The following PRDM16 variants were observed in gnomAD, a reference collection of about 807,000 sequenced individuals.
The protein encoded by PRDM16 is PR/SET domain 16, also known as histone-lysine N-methyltransferase PRDM16.
A neutral mutation model predicts 110.6 loss-of-function variants in PRDM16; 23 were observed. The observed-to-expected ratio is 0.21, with a 90% CI of 0.15 to 0.29. PRDM16 has a LOEUF of 0.29. Among genes scored for constraint, PRDM16 ranks in the 10% least tolerant of loss-of-function variants. The probability of loss-of-function intolerance (pLI) is 1.00; values close to 1 mark genes in which losing one functional copy is unlikely to be tolerated. For missense variants in PRDM16, 1,615 were observed against 1,794.3 expected (o/e 0.90, Z 1.81); for synonymous variants, 799 against 781.8 (o/e 1.02, Z -0.37).
intron 3 of PRDM16, among the ~76,000 whole-genome samples, chr1:3,384,584 G>A (rs922738869): frequency 6.6e-6 from 1 of 152,234 alleles, no homozygotes; most frequent in African/African-American, 2.4e-5. Flanking sequence ...GACTTTGCGG[G>A]CGTGGTGAGA....
Position 3,228,028 on chromosome 1 carries a change from C to T in PRDM16, c.388-16059C>T, listed in dbSNP as rs76420309. On this transcript the variant is annotated intron_variant, in intron 2 of 16. Coordinates refer to ENST00000270722, the MANE Select transcript of PRDM16 (RefSeq NM_022114.4). ...AGTCACATCCAAGTAAATGTTGTTC[C>T]GCTCCGGGAAAGCGAGATCTTTAAG... 4.6e-5 allele frequency among the ~76,000 whole-genome samples: 7 copies of T among 152,326 alleles called. No individual in the cohort carries two copies. The East Asian group carries it at 5.8e-4, about 13-fold the overall frequency.
chr1:3,341,893 G>A lies in PRDM16; in HGVS notation c.439-43259G>A, dbSNP rs1015736737. Reference sequence around the variant, plus strand: ...CAGGTGAGTCCGGGCTGTCTTCTTCGGGTAGGTTAGGTGTATTAAATTCAT... The same window carrying A: ...CAGGTGAGTCCGGGCTGTCTTCTTCAGGTAGGTTAGGTGTATTAAATTCAT... On this transcript the variant is annotated intron_variant, in intron 3 of 16. Transcript: ENST00000270722. Among the ~76,000 whole-genome samples, 10 of 152,326 alleles carry A rather than the reference G, an allele frequency of 6.6e-5. No homozygotes were observed. In the East Asian group the frequency reaches 1.9e-3, roughly 29 times the overall value.
intron 1 of PRDM16, among the ~76,000 whole-genome samples, chr1:3,100,896 C>T (rs886088206): frequency 6.0e-5 from 9 of 149,784 alleles, no homozygotes; most frequent in African/African-American, 1.7e-4. Context: ...CCGAAGCCCC[C>T]GGGGAGGAGC....
intron 12 of PRDM16, among the ~76,000 whole-genome samples, chr1:3,424,291 A>C (rs4648500): frequency 0.51 from 77,883 of 152,176 alleles, 22,955 homozygotes; most frequent in South Asian, 0.65. Context: ...CTCTCTAAAA[A>C]TGGGAGAGAA....
intron 3 of PRDM16, among the ~76,000 whole-genome samples, chr1:3,282,708 G>T (rs1183795267): frequency 6.6e-6 from 1 of 152,172 alleles, no homozygotes. Flanking sequence ...CACCAGAGCT[G>T]GTCACTGCCA....
rs1641696145 is a variant in PRDM16 at position 3,069,602 on chromosome 1, CG to C, written c.37+310del. 6.8e-6 allele frequency among the ~76,000 whole-genome samples: 1 copy of C among 147,638 alleles called. No individual in the cohort carries two copies. The highest frequency in any genetic ancestry group is 1.5e-5 in the Non-Finnish European group (1 of 66,396). On this transcript the variant is annotated intron_variant, in intron 1 of 16. Transcript: ENST00000270722. This position sits in a 1 kb window ranked among gnomAD's most constrained non-coding sequence, Gnocchi z 6.1. ...GGAACCCGAGGCGCGCGGTGGGGGC[CG>C]GGGAGGGGGGCGGAGGGGGAGGGCC...
At chr1:3,179,091 C>T (rs1219120552) in intron 1 of PRDM16, among the ~76,000 whole-genome samples, 1 of 152,262 alleles carries the variant, frequency 6.6e-6, no homozygotes, top group African/African-American at 2.4e-5. Context: ...GGAACTCAGA[C>T]AAACCCCATC....
At chr1:3,307,705 A>T (rs1021729374) in intron 3 of PRDM16, 1 of 152,078 alleles carries the variant, frequency 6.6e-6, no homozygotes, top group African/African-American at 2.4e-5. Context: ...GGGCTCCATG[A>T]GCTTACCCCT....
intron 1 of PRDM16, among the ~76,000 whole-genome samples, chr1:3,156,275 TG>T (rs1199959639): frequency 6.6e-6 from 1 of 152,206 alleles, no homozygotes; most frequent in Non-Finnish European, 1.5e-5. Flanking sequence ...ACGCGTTTGA[TG>T]GTGGCCACTT....
intron 3 of PRDM16, among the ~76,000 whole-genome samples, chr1:3,293,410 A>G (rs1641020338): frequency 6.6e-6 from 1 of 152,146 alleles, no homozygotes; most frequent in Non-Finnish European, 1.5e-5. Flanking sequence ...TATGTGGGTA[A>G]AGGTTGTATT....
chr1:3,092,314 T>A (rs1642297040), intron 1 of PRDM16, among the ~76,000 whole-genome samples: 1 of 37,792 alleles, frequency 2.6e-5, no homozygotes. Context: ...CAGAGGCTAC[T>A]GTGTGCTCCT....
At chr1:3,356,423 C>A (rs780798950) in intron 3 of PRDM16, among the ~76,000 whole-genome samples, 2 of 152,222 alleles carry the variant, frequency 1.3e-5, no homozygotes, top group Non-Finnish European at 2.9e-5. Flanking sequence ...CCAATCTGCC[C>A]TCCGGGGAGA....
chr1:3,135,656 C>T (rs1643422870), intron 1 of PRDM16, among the ~76,000 whole-genome samples: 1 of 152,236 alleles, frequency 6.6e-6, no homozygotes, highest in Non-Finnish European at 1.5e-5. Flanking sequence ...ATTAAGGGGT[C>T]TCCTCACCCA....
At chr1:3,178,668 T>C (rs1166454363) in intron 1 of PRDM16, among the ~76,000 whole-genome samples, 1 of 152,188 alleles carries the variant, frequency 6.6e-6, no homozygotes, top group African/African-American at 2.4e-5. Context: ...GGATGCACCC[T>C]TGTCACTCAG....
rs760607829 is a variant in PRDM16, at chr1:3,069,331, G to C, written c.37+35G>C. ...CCGCGCTCGGCCGCGCCGCGCCGCC[G>C]GGGCCCGGGCCGCCGGGCCGGGGCG... On this transcript the variant is annotated intron_variant, in intron 1 of 16. Coordinates refer to ENST00000270722, the MANE Select transcript of PRDM16 (RefSeq NM_022114.4). This position sits in a 1 kb window ranked among gnomAD's most constrained non-coding sequence, Gnocchi z 6.1. The C allele has an allele frequency of 6.0e-6, 7 of 1,157,964 alleles. No individual in the cohort carries two copies. The highest frequency in any genetic ancestry group is 4.4e-5 in the South Asian group (2 of 45,500). 71.7% of individuals were successfully genotyped at this position (1,157,964 alleles called of 1,614,324 possible).
intron 3 of PRDM16, among the ~76,000 whole-genome samples, chr1:3,267,755 T>G (rs1346172991): frequency 6.6e-6 from 1 of 152,072 alleles, no homozygotes; most frequent in Non-Finnish European, 1.5e-5. Context: ...AGCCTCTCCC[T>G]CAGTGAGCCG....
intron 2 of PRDM16, among the ~76,000 whole-genome samples, chr1:3,199,515 G>A (rs1424136754): frequency 6.6e-6 from 1 of 152,166 alleles, no homozygotes; most frequent in East Asian, 1.9e-4. Context: ...TCTCTAGGCA[G>A]AAAGAAGGGA....
At chr1:3,387,637 A>G (rs553065001) in intron 4 of PRDM16, among the ~76,000 whole-genome samples, 1 of 152,232 alleles carries the variant, frequency 6.6e-6, no homozygotes, top group Non-Finnish European at 1.5e-5. Flanking sequence ...TGGATAAGCC[A>G]TGTGGCTGGA....
intron 1 of PRDM16, among the ~76,000 whole-genome samples, chr1:3,170,689 G>A (rs1171704752): frequency 2.0e-5 from 3 of 152,174 alleles, no homozygotes; most frequent in Admixed American, 1.3e-4. Context: ...CAGAGGAGGC[G>A]GGGCCCGGGG....
Sources: gnomAD v4.1 joint callset for allele counts (sites outside exome capture counted in the v4.1 genomes callset) on GRCh38, gnomAD v4.1.1 for gene constraint, Gnocchi (gnomAD v3.1) non-coding constraint, MANE v1.5 for transcripts, NCBI Gene and HGNC (gene_info 2026-07-23, HGNC 2026-07-21) for gene names.